The following DDX1 variants were observed in gnomAD, a reference collection of about 807,000 sequenced individuals.
DDX1 encodes DEAD-box helicase 1, also known as ATP-dependent RNA helicase DDX1.
In DDX1, 28 loss-of-function variants were observed where a neutral mutation model predicts 108.7. The observed-to-expected ratio is 0.26, with a 90% CI of 0.19 to 0.35. DDX1 has a LOEUF of 0.35. Ranked by LOEUF, DDX1 falls within the 10% of genes least tolerant of loss-of-function variation. The pLI is 1.00. For missense variants in DDX1, 710 were observed against 884.5 expected (o/e 0.80, Z 2.50); for synonymous variants, 295 against 288.9 (o/e 1.02, Z -0.21).
intron 18 of DDX1, 158 bp downstream of exon 18, chr2:15,621,274 A>G (rs756804220): frequency 1.4e-5 from 9 of 625,666 alleles, no homozygotes; most frequent in African/African-American, 3.8e-5. Flanking sequence ...AAAAGCTGAT[A>G]CTAGTCAACT....
At chr2:15,595,372 A>G (rs960724256) in intron 2 of DDX1, 118 bp from the exon 3 acceptor site, 1 of 932,802 alleles carries the variant, frequency 1.1e-6, no homozygotes, top group Non-Finnish European at 1.7e-6. Flanking sequence ...TTTCTAGTGG[A>G]ATAAGATGGA....
intron 13 of DDX1, among the ~76,000 whole-genome samples, chr2:15,612,655 C>A (rs1665795419): frequency 6.6e-6 from 1 of 151,884 alleles, no homozygotes; most frequent in South Asian, 2.1e-4. Context: ...CCAAGGCAGG[C>A]GGCTGGGAGG....
chr2:15,608,288 GGGGGCCGAGGT>G (rs1558454074), intron 13 of DDX1, among the ~76,000 whole-genome samples: 1 of 152,106 alleles, frequency 6.6e-6, no homozygotes, highest in African/African-American at 2.4e-5. Context: ...CAGTACTTTG[GGGGGCCGAGGT>G]GGGCGGTCAC....
At chr2:15,613,646 T>C (rs998786169) in intron 14 of DDX1, among the ~76,000 whole-genome samples, 1 of 152,052 alleles carries the variant, frequency 6.6e-6, no homozygotes, top group Non-Finnish European at 1.5e-5. Flanking sequence ...CAGAGAAGGA[T>C]AGAAGTTCCT....
At chr2:15,628,540 T>G in intron 21 of DDX1, 23 bp downstream of exon 21, 1 of 1,603,136 alleles carries the variant, frequency 6.2e-7, no homozygotes, top group Non-Finnish European at 8.5e-7. Context: ...TTTTTATGCC[T>G]GTAGTGTGAT....
At chr2:15,611,688 G>T (rs867340433) in intron 13 of DDX1, among the ~76,000 whole-genome samples, 1 of 99,606 alleles carries the variant, frequency 1.0e-5, no homozygotes, top group African/African-American at 5.3e-5. Flanking sequence ...CCGGGCGGGG[G>T]GCTGACCCCC....
At chr2:15,612,451 T>C (rs1276929438) in intron 13 of DDX1, among the ~76,000 whole-genome samples, 20 of 146,640 alleles carry the variant, frequency 1.4e-4, no homozygotes, top group African/African-American at 4.3e-4. Flanking sequence ...GATGGGATGG[T>C]GGCCGGGAAG....
chr2:15,603,494 G>A (rs1031263568), intron 8 of DDX1, among the ~76,000 whole-genome samples: 2 of 152,182 alleles, frequency 1.3e-5, no homozygotes, highest in Non-Finnish European at 2.9e-5. Flanking sequence ...ATAAGAATAT[G>A]AATGGAGTCA....
chr2:15,618,672 C>T (rs1048971110), intron 16 of DDX1, among the ~76,000 whole-genome samples: 4 of 152,228 alleles, frequency 2.6e-5, no homozygotes, highest in African/African-American at 9.6e-5. Context: ...CGGGGACTAG[C>T]CCCCTTCCGC....
At chr2:15,621,037 T>C (rs775121742) in intron 17 of DDX1, 28 bp from the exon 18 acceptor site, 1 of 1,500,916 alleles carries the variant, frequency 6.7e-7, no homozygotes, top group Admixed American at 1.7e-5. Context: ...CACTCCTCTA[T>C]CCTGTTTTTA....
At position 15,611,559 on chromosome 2, in the gene DDX1, G is replaced by A. The variant is rs1175866567; in HGVS notation, c.957-1665G>A. On this transcript the variant is annotated intron_variant, in intron 13 of 25. Coordinates refer to ENST00000233084, the MANE Select transcript of DDX1 (RefSeq NM_004939.3). Reference sequence around the variant, plus strand: ...CCGGACGGGGCGGCTGGCCGGGCGGGGGGCTGACCCCCCGACCTCCCTCCC... The same window carrying A: ...CCGGACGGGGCGGCTGGCCGGGCGGAGGGCTGACCCCCCGACCTCCCTCCC... 4.6e-5 allele frequency among the ~76,000 whole-genome samples: 6 copies of A among 131,448 alleles called. No individual in the cohort carries two copies. The South Asian group carries it at 1.6e-3, about 35-fold the overall frequency. 86.2% of individuals were successfully genotyped at this position (131,448 alleles called of 152,430 possible). A position where few individuals can be genotyped will look rare whatever the true frequency, so the allele number is the denominator to read the frequency against.
intron 16 of DDX1, 36 bp from the exon 17 acceptor site, chr2:15,620,172 A>T: frequency 6.5e-7 from 1 of 1,546,166 alleles, no homozygotes; most frequent in Non-Finnish European, 8.9e-7. Context: ...TTATTATTAT[A>T]AAAGTTCATC....
chr2:15,624,418 G>A (rs772942942), intron 19 of DDX1, among the ~76,000 whole-genome samples: 18 of 152,246 alleles, frequency 1.2e-4, no homozygotes, highest in South Asian at 8.3e-4. Flanking sequence ...CCTGAGGCTG[G>A]GTAATTTATA....
Position 15,597,580 on chromosome 2 carries a change from G to A in DDX1, c.259+109G>A, listed in dbSNP as rs370893984. ...CATTTTTAAAATCTTGTCAGTATCTGGGGGGTGGTATTGGGATCTGGAACC... is the reference window on the plus strand; with the variant it reads ...CATTTTTAAAATCTTGTCAGTATCTAGGGGGTGGTATTGGGATCTGGAACC... On this transcript the variant is annotated intron_variant, in intron 5 of 25. Coordinates refer to ENST00000233084, the MANE Select transcript of DDX1 (RefSeq NM_004939.3). The A allele has an allele frequency of 1.3e-3, 899 of 696,056 alleles. 3 individuals are homozygous for A. The highest frequency in any genetic ancestry group is 1.9e-3 in the Non-Finnish European group (776 of 414,130). 43.1% of individuals were successfully genotyped at this position (696,056 alleles called of 1,614,324 possible). A position where few individuals can be genotyped will look rare whatever the true frequency, so the allele number is the denominator to read the frequency against.
At chr2:15,614,663 A>G (rs999845043) in intron 14 of DDX1, among the ~76,000 whole-genome samples, 3 of 152,180 alleles carry the variant, frequency 2.0e-5, no homozygotes, top group Admixed American at 1.3e-4. Flanking sequence ...CTGCCATGAG[A>G]TGACCCTCAC....
At position 15,629,992 on chromosome 2, in the gene DDX1, A is replaced by T; in HGVS notation, c.1974A>T (p.Leu658Phe). The T allele has an allele frequency of 6.3e-7, 1 of 1,592,058 alleles. No homozygotes were observed. The highest frequency in any genetic ancestry group is 1.2e-5 in the South Asian group (1 of 84,718). Residue 658 changes from leucine (L) to phenylalanine (F), a missense_variant and splice_region_variant, in exon 25 of 26, where the codon TTA (leucine) becomes TTT (phenylalanine). Coordinates refer to ENST00000233084, the MANE Select transcript of DDX1 (RefSeq NM_004939.3). ...GCTIWYNEMQ[L>F]LSEIEEHLNC... Reference sequence around the variant, plus strand: ...GAAATTTTCTCTCCATTACTTAGTTACTATCTGAGATAGAAGAACACCTGA... The same window carrying T: ...GAAATTTTCTCTCCATTACTTAGTTTCTATCTGAGATAGAAGAACACCTGA...
chr2:15,600,080 ATGAATT>A (rs1665564977), intron 6 of DDX1, among the ~76,000 whole-genome samples: 1 of 152,258 alleles, frequency 6.6e-6, no homozygotes, highest in African/African-American at 2.4e-5. Context: ...ATATATATGT[ATGAATT>A]TGAATACAGA....
At chr2:15,602,290 C>A (rs1042861610) in intron 6 of DDX1, among the ~76,000 whole-genome samples, 1 of 152,120 alleles carries the variant, frequency 6.6e-6, no homozygotes, top group African/African-American at 2.4e-5. Context: ...AAAATCTTAC[C>A]TTAGTTAACA....
At chr2:15,606,285 A>G (rs1482014759) in intron 12 of DDX1, 21 bp downstream of exon 12, 1 of 1,534,436 alleles carries the variant, frequency 6.5e-7, no homozygotes, top group Non-Finnish European at 9.0e-7. Flanking sequence ...TGCAAGGGTA[A>G]GGATTTCTAG....
Sources: allele counts gnomAD v4.1 joint callset (sites outside exome capture counted in the v4.1 genomes callset), GRCh38; gene constraint gnomAD v4.1.1; transcripts MANE v1.5; gene names NCBI Gene and HGNC (gene_info 2026-07-23, HGNC 2026-07-21).